Variants in TCERG1L observed in about 807,000 individuals in gnomAD.
TCERG1L encodes transcription elongation regulator 1-like protein.
Under a neutral mutation model 56.3 loss-of-function variants are expected in TCERG1L, and 37 were observed. The ratio of observed to expected loss-of-function variants is 0.66; its 90% CI spans 0.51 to 0.87. The LOEUF (loss-of-function observed/expected upper bound fraction) is 0.87. Among genes scored for constraint, TCERG1L ranks in the 40% least tolerant of loss-of-function variants. TCERG1L has a pLI of 0.00. For synonymous variants in TCERG1L, 324 were observed against 326.3 expected, an observed-to-expected ratio of 0.99 and a Z score of 0.08; for missense variants, 799 against 774.2, an observed-to-expected ratio of 1.03 and a Z score of -0.38.
intron 4 of TCERG1L, among the ~76,000 whole-genome samples, chr10:131,210,262 C>A (rs1218321694): frequency 6.6e-6 from 1 of 152,230 alleles, no homozygotes; most frequent in Non-Finnish European, 1.5e-5. Context: ...TCCCTGAGGT[C>A]GCCCAGCCTT....
At chr10:131,278,171 C>G (rs969531885) in intron 3 of TCERG1L, among the ~76,000 whole-genome samples, 1 of 151,932 alleles carries the variant, frequency 6.6e-6, no homozygotes, top group Non-Finnish European at 1.5e-5. Context: ...CTCTGAAACC[C>G]CAGGCAGAGC....
At chr10:131,308,452 G>T in intron 2 of TCERG1L, 61 bp from the exon 3 acceptor site, 7 of 1,432,370 alleles carry the variant, frequency 4.9e-6, no homozygotes, top group South Asian at 3.7e-5. Context: ...AGCTGAGCAT[G>T]ACCATGAAAA....
At chr10:131,185,190 G>A (rs1042135089) in intron 4 of TCERG1L, among the ~76,000 whole-genome samples, 2 of 152,010 alleles carry the variant, frequency 1.3e-5, no homozygotes, top group African/African-American at 2.4e-5. Context: ...AAGATGCATC[G>A]AGAATATAAA....
intron 5 of TCERG1L, among the ~76,000 whole-genome samples, chr10:131,164,860 G>A (rs1170985137): frequency 6.6e-6 from 1 of 152,222 alleles, no homozygotes; most frequent in Non-Finnish European, 1.5e-5. Context: ...ATGCTCCAAA[G>A]TCCTCGTGGG....
intron 3 of TCERG1L, among the ~76,000 whole-genome samples, chr10:131,271,959 T>C (rs973155795): frequency 9.9e-5 from 15 of 152,154 alleles, no homozygotes; most frequent in Non-Finnish European, 1.8e-4. Context: ...CCAGAAATAA[T>C]GGGTAACCAT....
intron 3 of TCERG1L, among the ~76,000 whole-genome samples, chr10:131,277,693 C>T (rs1289486177): frequency 2.6e-5 from 4 of 152,174 alleles, no homozygotes; most frequent in Non-Finnish European, 4.4e-5. Flanking sequence ...GTGCCCATGG[C>T]AGAAGGATAA....
chr10:131,141,950 C>A (rs1387222591), intron 7 of TCERG1L, among the ~76,000 whole-genome samples: 1 of 152,172 alleles, frequency 6.6e-6, no homozygotes, highest in Non-Finnish European at 1.5e-5. Flanking sequence ...TCCCTTGCAC[C>A]GGCTGCCCTG....
intron 4 of TCERG1L, among the ~76,000 whole-genome samples, chr10:131,238,405 C>T (rs980494122): frequency 6.6e-6 from 1 of 152,180 alleles, no homozygotes; most frequent in African/African-American, 2.4e-5. Context: ...GGGGTCTCCC[C>T]ACGGTGCTCA....
chr10:131,245,994 C>T (rs989955384), intron 4 of TCERG1L, among the ~76,000 whole-genome samples: 6 of 152,094 alleles, frequency 3.9e-5, no homozygotes, highest in East Asian at 1.9e-4. Flanking sequence ...AAACAGAGGC[C>T]GAGAGCCCCC....
At chr10:131,190,607 G>C (rs1217664317) in intron 4 of TCERG1L, among the ~76,000 whole-genome samples, 1 of 143,818 alleles carries the variant, frequency 7.0e-6, no homozygotes, top group Non-Finnish European at 1.5e-5. Flanking sequence ...AGGCAGGGTT[G>C]GTTTAACACA....
chr10:131,251,406 A>G (rs1201954953), intron 4 of TCERG1L, among the ~76,000 whole-genome samples: 1 of 143,650 alleles, frequency 7.0e-6, no homozygotes, highest in Non-Finnish European at 1.5e-5. Flanking sequence ...GCCAGCCCCC[A>G]GGCCCTGCTC....
At chr10:131,141,931 C>A (rs1400638055) in intron 7 of TCERG1L, among the ~76,000 whole-genome samples, 15 of 152,104 alleles carry the variant, frequency 9.9e-5, no homozygotes, top group Non-Finnish European at 1.8e-4. Flanking sequence ...CACATCCCAG[C>A]TCACCCCTTC....
rs536288225 is a variant in TCERG1L at position 131,267,695 on chromosome 10, C to T, written c.671-7251G>A. Among the ~76,000 whole-genome samples the T allele has an allele frequency of 1.6e-3, 237 of 152,298 alleles. No individual in the cohort carries two copies. Among genetic ancestry groups the T allele is most frequent in the Middle Eastern group, 3.4e-3 (1 of 294 alleles). ...AAGCTGTGGCAGAGGCTCCAAGCCT[C>T]GGAGCAGGTCCTGCCCAGCCATGCA... On this transcript the variant is annotated intron_variant, in intron 3 of 11. Coordinates refer to ENST00000368642, the MANE Select transcript of TCERG1L (RefSeq NM_174937.4). This position sits in a 1 kb window ranked among gnomAD's most constrained non-coding sequence, Gnocchi z 4.9.
intron 4 of TCERG1L, among the ~76,000 whole-genome samples, chr10:131,174,960 A>ACCCCTGTT (rs1564807563): frequency 5.0e-5 from 5 of 99,018 alleles, no homozygotes; most frequent in Admixed American, 1.8e-4. Flanking sequence ...AACCCACCCC[A>ACCCCTGTT]ATAATGGGAC....
At chr10:131,253,019 T>A (rs1364051403) in intron 4 of TCERG1L, among the ~76,000 whole-genome samples, 1 of 152,180 alleles carries the variant, frequency 6.6e-6, no homozygotes, top group African/African-American at 2.4e-5. Context: ...TGTGCCTGAT[T>A]GAGGCCGTAG....
At chr10:131,228,524 A>G (rs1202696931) in intron 4 of TCERG1L, among the ~76,000 whole-genome samples, 2 of 35,264 alleles carry the variant, frequency 5.7e-5, no homozygotes, top group African/African-American at 2.6e-4. Context: ...CACTCCAGAA[A>G]GGCATTTCCT....
intron 5 of TCERG1L, among the ~76,000 whole-genome samples, chr10:131,165,073 G>A (rs1021557329): frequency 2.0e-5 from 3 of 152,176 alleles, no homozygotes; most frequent in South Asian, 2.1e-4. Flanking sequence ...AAAGAATCTC[G>A]CGTGTCTGTA....
chr10:131,172,785 G>C (rs1846107756), intron 4 of TCERG1L, among the ~76,000 whole-genome samples: 1 of 152,060 alleles, frequency 6.6e-6, no homozygotes, highest in African/African-American at 2.4e-5. Flanking sequence ...TTCTGTGTTT[G>C]TCACAATCTA....
In TCERG1L at chr10:131,257,285, G is replaced by C. The variant is rs1426191775; in HGVS notation, c.856+2974C>G. On this transcript the variant is annotated intron_variant, in intron 4 of 11. Coordinates refer to ENST00000368642, the MANE Select transcript of TCERG1L (RefSeq NM_174937.4). ...GAAGCAGAGGCCAACGGACACAAAG[G>C]ACACCCCATCCCCTGGGAGGGCAGC... 2.0e-5 allele frequency among the ~76,000 whole-genome samples: 3 copies of C among 152,224 alleles called. No individual in the cohort carries two copies. The East Asian group carries it at 5.8e-4, about 30-fold the overall frequency.
Sources: allele counts gnomAD v4.1 joint callset (sites outside exome capture counted in the v4.1 genomes callset), GRCh38; gene constraint gnomAD v4.1.1; non-coding constraint Gnocchi (gnomAD v3.1); transcripts MANE v1.5; gene names NCBI Gene and HGNC (gene_info 2026-07-23, HGNC 2026-07-21).